The following CACNG5 variants were observed in gnomAD, a reference collection of about 807,000 sequenced individuals.
The protein encoded by CACNG5 is calcium voltage-gated channel auxiliary subunit gamma 5.
CACNG5 carries 18 observed loss-of-function variants against 24.8 expected under a neutral mutation model. The ratio of observed to expected loss-of-function variants is 0.73; its 90% CI spans 0.50 to 1.08. The LOEUF is 1.08. Ranked by LOEUF, CACNG5 falls within the 50% of genes least tolerant of loss-of-function variation. The probability of loss-of-function intolerance (pLI) is 0.00; values close to 1 mark genes in which losing one functional copy is unlikely to be tolerated. For missense variants in CACNG5, 349 were observed against 367.9 expected (o/e 0.95, Z 0.42); for synonymous variants, 157 against 149.1 (o/e 1.05, Z -0.39).
At chr17:66,858,686 C>T (rs1294466310) in intron 1 of CACNG5, among the ~76,000 whole-genome samples, 1 of 146,240 alleles carries the variant, frequency 6.8e-6, no homozygotes, top group Admixed American at 6.8e-5. Context: ...CCCCTCCCTC[C>T]CCCCACCTTC....
intron 1 of CACNG5, among the ~76,000 whole-genome samples, chr17:66,875,662 A>G (rs549613207): frequency 6.6e-6 from 1 of 152,304 alleles, no homozygotes; most frequent in South Asian, 2.1e-4. Context: ...ACATGATACC[A>G]TCCCTGGGGC....
intron 1 of CACNG5, among the ~76,000 whole-genome samples, chr17:66,856,866 A>G (rs1004397006): frequency 1.3e-5 from 2 of 151,672 alleles, no homozygotes; most frequent in African/African-American, 4.8e-5. Context: ...TTATAGCCAC[A>G]CTGGCCTCTT....
At chr17:66,883,532 CA>C (rs1350504379) in intron 4 of CACNG5, among the ~76,000 whole-genome samples, 1 of 152,226 alleles carries the variant, frequency 6.6e-6, no homozygotes, top group Admixed American at 6.5e-5. Context: ...GATTCAATTA[CA>C]GCTACTAATT....
chr17:66,888,615 GAC>G lies in CACNG5; in HGVS notation c.*3377_*3378del, dbSNP rs1442141781. On this transcript the variant is annotated 3_prime_UTR_variant, in exon 6 of 6. Coordinates refer to ENST00000533854, the MANE Select transcript of CACNG5 (RefSeq NM_145811.3). ...CATGAAAAGTGGCTCAATAGTCAAA[GAC>G]AGGTTTATTTTGGAGAATAAACCTG... is the stretch of plus-strand genomic sequence containing the variant. Among the ~76,000 whole-genome samples, 2 of 146,470 alleles carry G rather than the reference GAC, an allele frequency of 1.4e-5. No homozygotes were observed. The highest frequency in any genetic ancestry group is 5.0e-5 in the African/African-American group (2 of 39,924).
At chr17:66,884,746 G>A in intron 5 of CACNG5, 85 bp downstream of exon 5, 2 of 1,613,944 alleles carry the variant, frequency 1.2e-6, no homozygotes, top group East Asian at 2.2e-5. Context: ...GGGGAGAAGG[G>A]ACATTCCACA....
chr17:66,857,988 G>T (rs963504235), intron 1 of CACNG5, among the ~76,000 whole-genome samples: 2 of 152,220 alleles, frequency 1.3e-5, no homozygotes, highest in African/African-American at 4.8e-5. Context: ...TTGGGGTTGG[G>T]TTCTATCCAA....
chr17:66,864,996 A>G (rs1306532373), intron 1 of CACNG5, among the ~76,000 whole-genome samples: 1 of 152,152 alleles, frequency 6.6e-6, no homozygotes, highest in African/African-American at 2.4e-5. Context: ...TACTGAACTC[A>G]AGCCATCCTG....
chr17:66,851,254 G>A (rs1178822138), intron 1 of CACNG5, among the ~76,000 whole-genome samples: 1 of 152,210 alleles, frequency 6.6e-6, no homozygotes, highest in Non-Finnish European at 1.5e-5. Flanking sequence ...CCTGAGCTAA[G>A]AATTTAATGT....
chr17:66,836,817 G>C (rs1257577263), intron 1 of CACNG5, among the ~76,000 whole-genome samples: 1 of 152,238 alleles, frequency 6.6e-6, no homozygotes, highest in Non-Finnish European at 1.5e-5. Context: ...GGTGATGTGA[G>C]AACCCCAGCA....
Position 66,885,088 on chromosome 17 carries a change from G to A in CACNG5, c.676G>A (p.Asp226Asn), listed in dbSNP as rs747666687. 2.3e-5 allele frequency: 37 copies of A among 1,614,056 alleles called. No individual in the cohort carries two copies. Among genetic ancestry groups the A allele is most frequent in the East Asian group, 4.5e-5 (2 of 44,892 alleles). The change falls in exon 6 of 6, where the codon GAT becomes AAT. Residue 226 changes from aspartate (D) to asparagine (N), a missense_variant. Asp to Asn is a conservative substitution (Grantham distance 23). Coordinates refer to ENST00000533854, the MANE Select transcript of CACNG5 (RefSeq NM_145811.3). ...FYRPRLSNCS[D>N]YSGQFLHPDA... ...CCGCCCTCGGCTGAGCAACTGCTCC[G>A]ATTACTCAGGCCAGTTCCTACACCC...
intron 1 of CACNG5, among the ~76,000 whole-genome samples, chr17:66,842,179 C>T (rs369235396): frequency 1.2e-4 from 19 of 152,086 alleles, no homozygotes; most frequent in East Asian, 3.9e-4. Flanking sequence ...AGTGATCCCA[C>T]GGTGGGGGAG....
At chr17:66,848,074 A>G (rs549893304) in intron 1 of CACNG5, among the ~76,000 whole-genome samples, 17 of 152,312 alleles carry the variant, frequency 1.1e-4, no homozygotes, top group Admixed American at 6.5e-4. Context: ...CTCACCCTTC[A>G]TGTCGGGACA....
intron 1 of CACNG5, among the ~76,000 whole-genome samples, chr17:66,872,832 A>G (rs1199349413): frequency 1.3e-5 from 2 of 152,212 alleles, no homozygotes; most frequent in African/African-American, 2.4e-5. Context: ...AATATGCCCT[A>G]TAGTATCAAA....
chr17:66,865,815 G>A (rs76755517), intron 1 of CACNG5, among the ~76,000 whole-genome samples: 1 of 77,576 alleles, frequency 1.3e-5, no homozygotes, highest in African/African-American at 4.5e-5. Context: ...TTTTTTTTTT[G>A]TATTTTTAGT....
chr17:66,855,653 C>T (rs534935217), intron 1 of CACNG5, among the ~76,000 whole-genome samples: 17 of 152,240 alleles, frequency 1.1e-4, no homozygotes, highest in Middle Eastern at 3.4e-3. Flanking sequence ...GCTCGGACCA[C>T]GCCTGGCTAA....
At chr17:66,863,692 T>A (rs550873241) in intron 1 of CACNG5, among the ~76,000 whole-genome samples, 1 of 152,314 alleles carries the variant, frequency 6.6e-6, no homozygotes, top group African/African-American at 2.4e-5. Context: ...TTGAGATTTA[T>A]ACACATAATC....
intron 3 of CACNG5, among the ~76,000 whole-genome samples, chr17:66,879,436 C>T (rs116047505): frequency 0.012 from 1,871 of 152,278 alleles, 29 homozygotes; most frequent in African/African-American, 0.043. Context: ...GTCTCAGTCC[C>T]CAAAGAAACT....
intron 1 of CACNG5, among the ~76,000 whole-genome samples, chr17:66,836,813 G>A (rs1463187400): frequency 2.0e-5 from 3 of 152,242 alleles, no homozygotes; most frequent in Non-Finnish European, 2.9e-5. Flanking sequence ...TGTTGGTGAT[G>A]TGAGAACCCC....
intron 1 of CACNG5, among the ~76,000 whole-genome samples, chr17:66,870,611 G>A (rs760396211): frequency 6.6e-6 from 1 of 152,184 alleles, no homozygotes; most frequent in Non-Finnish European, 1.5e-5. Context: ...TTTCTTACAT[G>A]AGGCTGGCTT....
Sources: allele counts gnomAD v4.1 joint callset (sites outside exome capture counted in the v4.1 genomes callset), GRCh38; gene constraint gnomAD v4.1.1; transcripts MANE v1.5; gene names NCBI Gene and HGNC (gene_info 2026-07-23, HGNC 2026-07-21).